The following PLXNA4 variants were observed in gnomAD, a reference collection of about 807,000 sequenced individuals.
The protein encoded by PLXNA4 is plexin A4, also known as plexin-A4.
In PLXNA4, 44 loss-of-function variants were observed where a neutral mutation model predicts 191.8. That is an observed-to-expected ratio of 0.23 (90% confidence interval 0.18 to 0.29). The LOEUF (loss-of-function observed/expected upper bound fraction) is 0.29, where lower values mean the gene tolerates loss of function less well. Ranked by LOEUF, PLXNA4 falls within the 10% of genes least tolerant of loss-of-function variation. The probability of loss-of-function intolerance (pLI) is 1.00; values close to 1 mark genes in which losing one functional copy is unlikely to be tolerated. For synonymous variants in PLXNA4, 1,082 were observed against 1,009.5 expected (o/e 1.07, Z -1.36); for missense variants, 1,800 against 2,488.8 (o/e 0.72, Z 5.89).
intron 3 of PLXNA4, among the ~76,000 whole-genome samples, chr7:132,334,257 T>C (rs1276734448): frequency 2.4e-5 from 3 of 126,604 alleles, no homozygotes; most frequent in African/African-American, 5.7e-5. Context: ...TCTTTCTTTT[T>C]TTTTTTTTTT....
chr7:132,176,591 A>G (rs1369818761), intron 20 of PLXNA4, among the ~76,000 whole-genome samples: 1 of 116,364 alleles, frequency 8.6e-6, no homozygotes, highest in Non-Finnish European at 1.7e-5. Context: ...ACAGTGTGTG[A>G]GCATGTCAGG....
chr7:132,192,548 T>G (rs1256820460), intron 14 of PLXNA4, among the ~76,000 whole-genome samples: 47 of 123,326 alleles, frequency 3.8e-4, no homozygotes, highest in East Asian at 9.2e-4. Flanking sequence ...AGGCGAGGGG[T>G]GGGGGTGCAG....
chr7:132,128,719 G>C lies in PLXNA4; in HGVS notation c.*1760C>G, dbSNP rs1364781845. On this transcript the variant is annotated 3_prime_UTR_variant, in exon 32 of 32. Transcript: ENST00000321063. ...TGCTCCATGGACTTTGCTGGAAATG[G>C]TGTGGTTTCTTCCCCAAGGGGGGCT... 2 of 152,266 alleles carry C rather than the reference G, an allele frequency of 1.3e-5. No individual in the cohort carries two copies. Among genetic ancestry groups the C allele is most frequent in the Non-Finnish European group, 2.9e-5 (2 of 68,078 alleles). 9.4% of individuals were successfully genotyped at this position (152,266 alleles called of 1,614,324 possible).
intron 5 of PLXNA4, among the ~76,000 whole-genome samples, chr7:132,237,977 C>T (rs1798758684): frequency 6.6e-6 from 1 of 152,188 alleles, no homozygotes; most frequent in Non-Finnish European, 1.5e-5. Context: ...GCTCTATGAA[C>T]AAGTGTCCTC....
At position 132,445,157 on chromosome 7, in the gene PLXNA4, GAAAAAAAAAAAAA is replaced by G. The variant is rs71529762; in HGVS notation, c.1371+44122_1371+44134del. On this transcript the variant is annotated intron_variant, in intron 3 of 31. Coordinates refer to ENST00000321063, the MANE Select transcript of PLXNA4 (RefSeq NM_020911.2). ...GTGACAGAGCAAGACTCCATCTCAGGAAAAAAAAAAAAAAAAAAAAAAAAAAAATTTGTTCTCA... is the reference window on the plus strand; with the variant it reads ...GTGACAGAGCAAGACTCCATCTCAGGAAAAAAAAAAAAAAATTTGTTCTCA... Among the ~76,000 whole-genome samples, 61 of 53,802 alleles carry G rather than the reference GAAAAAAAAAAAAA, an allele frequency of 1.1e-3. No individual in the cohort carries two copies. In the Admixed American group the frequency reaches 0.015, roughly 13 times the overall value. The allele number at this position is 53,802 out of a possible 152,430, so 35.3% of individuals were successfully genotyped here.
chr7:132,552,604 T>G (rs1297244863), intron 1 of PLXNA4, among the ~76,000 whole-genome samples: 1 of 152,206 alleles, frequency 6.6e-6, no homozygotes, highest in Non-Finnish European at 1.5e-5. Flanking sequence ...AAAGTCCTTC[T>G]GCAAGTGTGA....
chr7:132,344,349 G>A (rs1453149937), intron 3 of PLXNA4, among the ~76,000 whole-genome samples: 3 of 152,110 alleles, frequency 2.0e-5, no homozygotes, highest in Non-Finnish European at 4.4e-5. Flanking sequence ...AAGGACTACT[G>A]AAATTTGGAT....
chr7:132,229,120 A>G (rs1348111670), intron 5 of PLXNA4, among the ~76,000 whole-genome samples: 1 of 152,194 alleles, frequency 6.6e-6, no homozygotes, highest in Non-Finnish European at 1.5e-5. Flanking sequence ...AAAAGCAGCT[A>G]TGTTCCATTT....
chr7:132,514,802 G>GCA (rs10632716), intron 1 of PLXNA4, among the ~76,000 whole-genome samples: 5,754 of 149,076 alleles, frequency 0.039, 279 homozygotes, highest in African/African-American at 0.11. Context: ...GTGTCTCTAT[G>GCA]CACACACACA....
chr7:132,551,505 G>A (rs1367791171), intron 1 of PLXNA4, among the ~76,000 whole-genome samples: 4 of 152,158 alleles, frequency 2.6e-5, no homozygotes, highest in African/African-American at 9.7e-5. Context: ...CAAAATGCCG[G>A]TCGTGTCCTA....
intron 1 of PLXNA4, among the ~76,000 whole-genome samples, chr7:132,551,254 T>C (rs1585319693): frequency 6.6e-6 from 1 of 152,130 alleles, no homozygotes; most frequent in East Asian, 1.9e-4. Context: ...CTTGACCAGA[T>C]ACAGAAGAGC....
chr7:132,573,115 G>T (rs1174490009), intron 1 of PLXNA4, among the ~76,000 whole-genome samples: 1 of 151,966 alleles, frequency 6.6e-6, no homozygotes, highest in Non-Finnish European at 1.5e-5. Flanking sequence ...GGAAAAGGAA[G>T]GGAGGTGTCA....
chr7:132,469,500 A>T (rs1796849635), intron 3 of PLXNA4, among the ~76,000 whole-genome samples: 1 of 152,214 alleles, frequency 6.6e-6, no homozygotes, highest in African/African-American at 2.4e-5. Context: ...TGGTTGCTGG[A>T]AGTGAGTTCT....
intron 3 of PLXNA4, chr7:132,385,032 CA>C: frequency 6.9e-7 from 1 of 1,445,702 alleles, no homozygotes; most frequent in Non-Finnish European, 9.1e-7. Flanking sequence ...ACACATTCTC[CA>C]AAGTCTTTTT....
At chr7:132,312,055 C>G (rs1243211201) in intron 3 of PLXNA4, among the ~76,000 whole-genome samples, 1 of 151,906 alleles carries the variant, frequency 6.6e-6, no homozygotes, top group Non-Finnish European at 1.5e-5. Flanking sequence ...CACCCCCGCC[C>G]TCAGTTGAGG....
chr7:132,493,476 G>A (rs182304136), intron 2 of PLXNA4, among the ~76,000 whole-genome samples: 15 of 152,298 alleles, frequency 9.8e-5, no homozygotes, highest in Non-Finnish European at 2.1e-4. Flanking sequence ...AGCCCTGAGA[G>A]GGCCACACTC....
intron 1 of PLXNA4, among the ~76,000 whole-genome samples, chr7:132,512,433 T>C (rs1336445579): frequency 6.6e-6 from 1 of 152,130 alleles, no homozygotes; most frequent in Non-Finnish European, 1.5e-5. Flanking sequence ...GTTATGCATC[T>C]CAAACACTTA....
At chr7:132,249,138 T>C (rs373544014) in intron 4 of PLXNA4, among the ~76,000 whole-genome samples, 97 of 152,382 alleles carry the variant, frequency 6.4e-4, no homozygotes, top group African/African-American at 2.3e-3. Flanking sequence ...AGCTGTAATC[T>C]AATCTGTGTG....
At chr7:132,199,865 G>T (rs894560426) in intron 12 of PLXNA4, among the ~76,000 whole-genome samples, 1 of 152,226 alleles carries the variant, frequency 6.6e-6, no homozygotes, top group African/African-American at 2.4e-5. Context: ...TGGTGTGATT[G>T]TGAGTGAGCG....
Sources: allele counts gnomAD v4.1 joint callset (sites outside exome capture counted in the v4.1 genomes callset), GRCh38; gene constraint gnomAD v4.1.1; transcripts MANE v1.5; gene names NCBI Gene and HGNC (gene_info 2026-07-23, HGNC 2026-07-21).